Variants in C22orf31 observed in about 807,000 individuals in gnomAD.
C22orf31 encodes the protein uncharacterized protein C22orf31.
A neutral mutation model predicts 15.0 loss-of-function variants in C22orf31; 11 were observed. The ratio of observed to expected loss-of-function variants is 0.73; its 90% confidence interval spans 0.46 to 1.21. The LOEUF is 1.21. Ranked by LOEUF, C22orf31 falls within the 50% of genes most tolerant of loss-of-function variation. The pLI is 0.00. For synonymous variants in C22orf31, 132 were observed against 133.3 expected, an observed-to-expected ratio of 0.99 and a Z score of 0.07; for missense variants, 340 against 347.2, an observed-to-expected ratio of 0.98 and a Z score of 0.17.
chr22:29,063,457 C>T (rs1377369548), upstream of C22orf31, among the ~76,000 whole-genome samples: 1 of 152,192 alleles, frequency 6.6e-6, no homozygotes, highest in African/African-American at 2.4e-5. Flanking sequence ...TGAGCCTGTG[C>T]TCAGCCTCAA....
the C22orf31 span, among the ~76,000 whole-genome samples, chr22:29,073,864 T>C: frequency 6.6e-6 from 1 of 151,658 alleles, no homozygotes; most frequent in Non-Finnish European, 1.5e-5. The surrounding 1 kb of genome is among the most constrained non-coding windows in gnomAD (Gnocchi z 4.4). Context: ...CCCCAAGTCC[T>C]TCATCGACGC....
the C22orf31 span, among the ~76,000 whole-genome samples, chr22:29,072,824 G>C: frequency 2.0e-5 from 3 of 152,096 alleles, no homozygotes; most frequent in Non-Finnish European, 4.4e-5. Context: ...AGAGGGCCCT[G>C]CTGGGCCGGC....
intron 2 of C22orf31, 147 bp from the exon 3 acceptor site, chr22:29,059,329 A>G (rs1351086712): frequency 1.5e-6 from 1 of 661,222 alleles, no homozygotes; most frequent in South Asian, 1.9e-5. Flanking sequence ...TCCTTTATGT[A>G]CATACCACTG....
intron 2 of C22orf31, 119 bp downstream of exon 2, chr22:29,060,296 G>T: frequency 2.1e-6 from 2 of 965,534 alleles, no homozygotes; most frequent in Non-Finnish European, 3.1e-6. Context: ...GCCTCCCAAA[G>T]TGCTGAGATT....
upstream of C22orf31, among the ~76,000 whole-genome samples, chr22:29,066,203 C>A (rs2037428469): frequency 6.6e-6 from 1 of 152,190 alleles, no homozygotes; most frequent in African/African-American, 2.4e-5. Flanking sequence ...CTGCCCCACC[C>A]ATGCAATTCT....
upstream of C22orf31, among the ~76,000 whole-genome samples, chr22:29,065,054 C>T (rs1054307855): frequency 1.3e-5 from 2 of 151,968 alleles, no homozygotes; most frequent in Non-Finnish European, 2.9e-5. Context: ...GGGGTTTCAC[C>T]ATGTTGGCCA....
chr22:29,060,021 CTTTTTTTTT>C, intron 2 of C22orf31: 1 of 540,080 alleles, frequency 1.9e-6, no homozygotes, highest in African/African-American at 2.7e-5. Context: ...TTTTTCTTTT[CTTTTTTTTT>C]TTTTTTTTTT....
At position 29,058,803 on chromosome 22, in the gene C22orf31, T is replaced by TCCTGGACACCAG. The variant is rs2037345768; in HGVS notation, c.811_812insCTGGTGTCCAGG (p.Gln271delinsProGlyValGlnGlu). 6.2e-7 allele frequency: 1 copy of TCCTGGACACCAG among 1,614,080 alleles called. No homozygotes were observed. The highest frequency in any genetic ancestry group is 1.7e-5 in the Admixed American group (1 of 60,010). Reference sequence around the variant, plus strand: ...TACAGGCTCCTCGTGGACACCTGGCTGCTTCCTGCCAGGGAACCGGTCCCT... The same window carrying TCCTGGACACCAG: ...TACAGGCTCCTCGTGGACACCTGGCTCCTGGACACCAGGCTTCCTGCCAGGGAACCGGTCCCT... On this transcript the variant is annotated protein_altering_variant, in exon 3 of 3. Transcript: ENST00000216071.
the C22orf31 span, among the ~76,000 whole-genome samples, chr22:29,072,584 C>G: frequency 6.6e-6 from 1 of 152,338 alleles, no homozygotes; most frequent in South Asian, 2.1e-4. Context: ...CCAAAGCATT[C>G]TTTTTTTAAC....
At chr22:29,060,039 T>A (rs1358379036) in intron 2 of C22orf31, 45 of 885,456 alleles carry the variant, frequency 5.1e-5, no homozygotes, top group African/African-American at 5.9e-5. Flanking sequence ...TTTTTTTTTT[T>A]TTTTATTTTT....
upstream of C22orf31, among the ~76,000 whole-genome samples, chr22:29,062,817 C>T (rs1235207038): frequency 6.6e-6 from 1 of 152,106 alleles, no homozygotes; most frequent in Non-Finnish European, 1.5e-5. Context: ...TGCTCCCTTT[C>T]AGTGGCGAGC....
the C22orf31 span, among the ~76,000 whole-genome samples, chr22:29,068,970 G>A: frequency 6.6e-6 from 1 of 151,552 alleles, no homozygotes; most frequent in Non-Finnish European, 1.5e-5. Context: ...CACTATGTTG[G>A]TCAGGCTGGT....
intron 1 of C22orf31, 71 bp downstream of exon 1, chr22:29,061,719 G>C: frequency 1.7e-6 from 2 of 1,175,912 alleles, no homozygotes; most frequent in Non-Finnish European, 2.5e-6. Flanking sequence ...AATTTGGATA[G>C]ATTAGAATCA....
chr22:29,060,867 T>A, intron 1 of C22orf31, 24 bp from the exon 2 acceptor site: 1 of 1,587,800 alleles, frequency 6.3e-7, no homozygotes, highest in Non-Finnish European at 8.6e-7. Flanking sequence ...GAGGGAGAAA[T>A]GAATTTTAAA....
intron 2 of C22orf31, chr22:29,059,813 T>G: frequency 1.0e-6 from 1 of 985,158 alleles, no homozygotes; most frequent in African/African-American, 1.7e-5. Context: ...ATCCTAGCCT[T>G]CCTTCTCACC....
rs1242860494 is a variant in C22orf31, at chr22:29,060,442, A to G, written c.405T>C (p.His135=). The part of the protein sequence containing the change: ...ISSKSKQPAG[H]RRPAGGIRES... Reference sequence around the variant, plus strand: ...CTCTGATGCCTCCTGCAGGCCTCCTATGCCCTGCTGGCTGCTTGCTCTTGG... The same window carrying G: ...CTCTGATGCCTCCTGCAGGCCTCCTGTGCCCTGCTGGCTGCTTGCTCTTGG... Residue 135 remains histidine (H), a synonymous_variant, in exon 2 of 3, where the codon CAT becomes CAC. Transcript: ENST00000216071. 2 of 1,613,368 alleles carry G rather than the reference A, an allele frequency of 1.2e-6. No homozygotes were observed. The highest frequency in any genetic ancestry group is 2.2e-5 in the South Asian group (2 of 91,034).
intron 2 of C22orf31, chr22:29,059,857 G>A: frequency 1.0e-6 from 1 of 985,182 alleles, no homozygotes; most frequent in African/African-American, 1.7e-5. Flanking sequence ...CTGTGCTTAT[G>A]AAAGCCACCT....
chr22:29,064,834 A>G (rs1457697499), upstream of C22orf31, among the ~76,000 whole-genome samples: 1 of 148,950 alleles, frequency 6.7e-6, no homozygotes, highest in Non-Finnish European at 1.5e-5. Context: ...AACACACCTA[A>G]CCCATGTGAA....
At chr22:29,073,088 C>G in the C22orf31 span, 4 of 641,762 alleles carry the variant, frequency 6.2e-6, no homozygotes, top group Non-Finnish European at 5.8e-6. The surrounding 1 kb of genome is among the most constrained non-coding windows in gnomAD (Gnocchi z 4.4). Flanking sequence ...CGCGCTGCCC[C>G]CTTTACCCCG....
Sources: gnomAD v4.1 joint callset for allele counts (sites outside exome capture counted in the v4.1 genomes callset) on GRCh38, gnomAD v4.1.1 for gene constraint, Gnocchi (gnomAD v3.1) non-coding constraint, MANE v1.5 for transcripts, NCBI Gene and HGNC (gene_info 2026-07-23, HGNC 2026-07-21) for gene names.